IMMP2L: variants seen among roughly 807,000 people sequenced by gnomAD.
The protein encoded by IMMP2L is inner mitochondrial membrane peptidase subunit 2, also known as mitochondrial inner membrane protease subunit 2.
IMMP2L carries 18 observed loss-of-function variants against 19.3 expected under a neutral mutation model. That is an observed-to-expected ratio of 0.93 (90% CI 0.64 to 1.38). The LOEUF (loss-of-function observed/expected upper bound fraction) is 1.38, where lower values mean the gene tolerates loss of function less well. Among genes scored for constraint, IMMP2L ranks in the 40% most tolerant of loss-of-function variants. IMMP2L has a pLI of 0.00. For synonymous variants in IMMP2L, 76 were observed against 73.0 expected (o/e 1.04, Z -0.21); for missense variants, 233 against 218.2 (o/e 1.07, Z -0.43).
chr7:111,447,776 AGTC>A (rs1217016793), intron 3 of IMMP2L, among the ~76,000 whole-genome samples: 1 of 151,942 alleles, frequency 6.6e-6, no homozygotes, highest in Non-Finnish European at 1.5e-5. Flanking sequence ...TTGGATAAAG[AGTC>A]AAGACCCATC....
At chr7:111,351,961 A>T (rs1408508573) in intron 3 of IMMP2L, among the ~76,000 whole-genome samples, 1 of 152,206 alleles carries the variant, frequency 6.6e-6, no homozygotes, top group Admixed American at 6.5e-5. Context: ...AAAGATGTTC[A>T]TCTACTTAAA....
At chr7:111,001,121 C>A (rs368254036) in intron 3 of IMMP2L, among the ~76,000 whole-genome samples, 15 of 152,276 alleles carry the variant, frequency 9.9e-5, no homozygotes, top group South Asian at 4.1e-4. Context: ...TAAACCTCTG[C>A]ATGTAGAATC....
chr7:111,199,150 C>T (rs2129614906), intron 3 of IMMP2L, among the ~76,000 whole-genome samples: 1 of 152,090 alleles, frequency 6.6e-6, no homozygotes, highest in African/African-American at 2.4e-5. Flanking sequence ...TTGAAATAAA[C>T]ACATTTTTAT....
intron 4 of IMMP2L, among the ~76,000 whole-genome samples, chr7:110,946,173 G>A (rs1056569130): frequency 1.2e-4 from 18 of 152,120 alleles, no homozygotes; most frequent in African/African-American, 2.7e-4. Flanking sequence ...CAAAGTTTCC[G>A]ATTCAAAGTG....
intron 2 of IMMP2L, among the ~76,000 whole-genome samples, chr7:111,495,564 G>A (rs1335644420): frequency 7.9e-5 from 12 of 152,070 alleles, no homozygotes; most frequent in Admixed American, 7.9e-4. Context: ...CTCAGCTTGT[G>A]TCTAACCTCA....
chr7:110,668,453 C>T (rs1489617062), intron 5 of IMMP2L, among the ~76,000 whole-genome samples: 3 of 152,132 alleles, frequency 2.0e-5, no homozygotes, highest in Non-Finnish European at 2.9e-5. Context: ...TACCTCAAGC[C>T]TTTATTTGCT....
At chr7:110,940,760 A>C (rs1816658323) in intron 4 of IMMP2L, among the ~76,000 whole-genome samples, 1 of 152,224 alleles carries the variant, frequency 6.6e-6, no homozygotes, top group African/African-American at 2.4e-5. Context: ...CAACAACCTG[A>C]AGTAATTTAC....
Position 110,892,525 on chromosome 7 carries a change from G to A in IMMP2L, c.306-5830C>T, listed in dbSNP as rs372575114. Among the ~76,000 whole-genome samples, 30 of 152,170 alleles carry A rather than the reference G, an allele frequency of 2.0e-4. No individual in the cohort carries two copies. In the East Asian group the frequency reaches 5.6e-3, roughly 28 times the overall value. ...GCTCCTATTAATCTGCCTTTTGTCA[G>A]TCACTTTTCAGTCAATTTTCAGAGG... On this transcript the variant is annotated intron_variant, in intron 4 of 5. Coordinates refer to ENST00000405709, the MANE Select transcript of IMMP2L (RefSeq NM_032549.4).
At chr7:111,034,997 C>T (rs1189921828) in intron 3 of IMMP2L, among the ~76,000 whole-genome samples, 1 of 152,106 alleles carries the variant, frequency 6.6e-6, no homozygotes, top group Non-Finnish European at 1.5e-5. Context: ...ACTTCCATTA[C>T]AGACCCTGTA....
chr7:111,135,230 G>A (rs539595270), intron 3 of IMMP2L, among the ~76,000 whole-genome samples: 2 of 152,132 alleles, frequency 1.3e-5, no homozygotes, highest in South Asian at 4.2e-4. Context: ...AATCAAATAT[G>A]AGGATATTAT....
chr7:110,932,575 C>T (rs933353537), intron 4 of IMMP2L, among the ~76,000 whole-genome samples: 6 of 151,942 alleles, frequency 3.9e-5, no homozygotes, highest in African/African-American at 7.3e-5. Flanking sequence ...AGGATGGTCT[C>T]GATCTCCTGA....
chr7:111,453,643 T>C (rs1180862992), intron 3 of IMMP2L, among the ~76,000 whole-genome samples: 1 of 152,096 alleles, frequency 6.6e-6, no homozygotes, highest in Non-Finnish European at 1.5e-5. Flanking sequence ...TTATGGTTAA[T>C]AGGGAGTCAG....
chr7:111,333,160 G>A (rs1433175193), intron 3 of IMMP2L, among the ~76,000 whole-genome samples: 1 of 151,854 alleles, frequency 6.6e-6, no homozygotes, highest in Non-Finnish European at 1.5e-5. Context: ...ATGGGTAGTA[G>A]AAGAAGGTAG....
intron 3 of IMMP2L, among the ~76,000 whole-genome samples, chr7:111,197,222 G>A (rs1809598384): frequency 1.3e-5 from 2 of 152,124 alleles, no homozygotes; most frequent in African/African-American, 4.8e-5. Context: ...CAGCACTTTG[G>A]AAGGCCAAGG....
chr7:111,454,851 T>C (rs1218554002), intron 3 of IMMP2L, among the ~76,000 whole-genome samples: 2 of 152,036 alleles, frequency 1.3e-5, no homozygotes, highest in East Asian at 1.9e-4. Context: ...GAATGATGAA[T>C]GATTAAGGGA....
In IMMP2L at chr7:111,336,695, T is replaced by C. The variant is rs77625922; in HGVS notation, c.239+150543A>G. 6.1e-3 allele frequency among the ~76,000 whole-genome samples: 929 copies of C among 152,162 alleles called. 24 individuals carry two copies. Among genetic ancestry groups the C allele is most frequent in the East Asian group, 0.049 (253 of 5,176 alleles). ...TATATAATTTCTTGCTCTTTCTCAATGAAAGTTCTCTCTTCAATTATCTTC... is the reference window on the plus strand; with the variant it reads ...TATATAATTTCTTGCTCTTTCTCAACGAAAGTTCTCTCTTCAATTATCTTC... On this transcript the variant is annotated intron_variant, in intron 3 of 5. Transcript: ENST00000405709.
intron 3 of IMMP2L, among the ~76,000 whole-genome samples, chr7:111,279,522 T>C (rs911228002): frequency 6.6e-6 from 1 of 152,144 alleles, no homozygotes; most frequent in Non-Finnish European, 1.5e-5. Flanking sequence ...AGCCAAAGGA[T>C]GCCATCTTGA....
At chr7:111,400,261 A>T (rs1290848608) in intron 3 of IMMP2L, among the ~76,000 whole-genome samples, 2 of 152,192 alleles carry the variant, frequency 1.3e-5, no homozygotes, top group Non-Finnish European at 2.9e-5. Flanking sequence ...CAAGACTACA[A>T]GACTTTTAAT....
At chr7:110,892,329 G>C (rs1010644788) in intron 4 of IMMP2L, among the ~76,000 whole-genome samples, 5 of 152,056 alleles carry the variant, frequency 3.3e-5, no homozygotes, top group African/African-American at 1.2e-4. Context: ...TCAGGCCATT[G>C]TATGTTCAAC....
Sources: allele counts gnomAD v4.1 joint callset (sites outside exome capture counted in the v4.1 genomes callset), GRCh38; gene constraint gnomAD v4.1.1; transcripts MANE v1.5; gene names NCBI Gene and HGNC (gene_info 2026-07-23, HGNC 2026-07-21).